LRRC37B: variants seen among roughly 807,000 people sequenced by gnomAD.
LRRC37B encodes leucine-rich repeat-containing protein 37B.
LRRC37B carries 28 observed loss-of-function variants against 98.3 expected under a neutral mutation model. The ratio of observed to expected loss-of-function variants is 0.28; its 90% confidence interval spans 0.21 to 0.39. The LOEUF is 0.39. LRRC37B is among the 10% of genes least tolerant of loss of function. The pLI is 1.00. For missense variants in LRRC37B, 938 were observed against 1,182.7 expected (o/e 0.79, Z 3.03); for synonymous variants, 364 against 442.7 (o/e 0.82, Z 2.23).
At position 32,048,544 on chromosome 17, in the gene LRRC37B, CTT is replaced by C. The variant is rs546089084; in HGVS notation, c.2465-557_2465-556del. On this transcript the variant is annotated intron_variant, in intron 9 of 11. Transcript: ENST00000327564. ...CTCAGGTCAGAGACAGATCGAAAGACTTAGCCTACACCATTTTAATTTTAGAA... is the reference window on the plus strand; with the variant it reads ...CTCAGGTCAGAGACAGATCGAAAGACAGCCTACACCATTTTAATTTTAGAA... Among the ~76,000 whole-genome samples, 305 of 151,528 alleles carry C rather than the reference CTT, an allele frequency of 2.0e-3. 2 individuals carry two copies. The highest frequency in any genetic ancestry group is 3.1e-3 in the Non-Finnish European group (209 of 67,896).
intron 2 of LRRC37B, among the ~76,000 whole-genome samples, chr17:32,027,471 G>A (rs9674873): frequency 2.0e-5 from 3 of 150,266 alleles, no homozygotes; most frequent in African/African-American, 7.4e-5. Flanking sequence ...GTGCTTGCCT[G>A]TGTGTGTGCT....
chr17:32,031,319 C>T (rs569296121), intron 4 of LRRC37B, 59 bp from the exon 8 acceptor site: 1 of 1,578,678 alleles, frequency 6.3e-7, no homozygotes, highest in South Asian at 1.2e-5. Context: ...AGACTCACAG[C>T]AAATGATAAA....
Position 32,021,400 on chromosome 17 carries a change from C to T in LRRC37B, c.335C>T (p.Ala112Val), listed in dbSNP as rs779383408. The T allele has an allele frequency of 3.1e-6, 5 of 1,613,728 alleles. No individual in the cohort carries two copies. In the South Asian group the frequency reaches 3.3e-5, roughly 11 times the overall value. Residue 112 changes from alanine (A) to valine (V), a missense_variant, in exon 1 of 12, where the codon GCC (alanine) becomes GTC (valine). Ala to Val is a moderately conservative substitution (Grantham distance 64). Around this residue, in one of 2 missense-constraint regions of LRRC37B, gnomAD observed 610 missense variants for 625.6 expected, o/e 0.98. Transcript: ENST00000327564. ...CCCTCTGCTTCTTCGCAGATGTCAG[C>T]CCTGCCTCAGGAACCAACTGAAAAT...
intron 1 of LRRC37B, among the ~76,000 whole-genome samples, chr17:32,010,904 C>G (rs1910510199): frequency 1.3e-5 from 2 of 152,138 alleles, no homozygotes. Flanking sequence ...TGTCCTTGGC[C>G]TATTTCACTT....
chr17:32,049,906 C>A (rs1911699089), intron 10 of LRRC37B, 97 bp from the exon 14 acceptor site: 4 of 671,682 alleles, frequency 6.0e-6, no homozygotes, highest in Non-Finnish European at 1.0e-5. Flanking sequence ...GTAAGCTACT[C>A]AACTGGCATA....
intron 7 of LRRC37B, among the ~76,000 whole-genome samples, chr17:32,039,121 GT>G: frequency 6.6e-6 from 1 of 151,910 alleles, no homozygotes; most frequent in East Asian, 1.9e-4. Flanking sequence ...GAGGTTTATT[GT>G]TTTTTTGTTT....
exon 1 of LRRC37B, chr17:32,022,192 A>T: frequency 1.9e-6 from 3 of 1,613,868 alleles, no homozygotes; most frequent in Non-Finnish European, 2.5e-6. Flanking sequence ...GCAGATGTGG[A>T]GGTTACCATG....
At chr17:32,053,331 A>T (rs770735131) in exon 12 of LRRC37B, 1 of 1,603,220 alleles carries the variant, frequency 6.2e-7, no homozygotes, top group African/African-American at 1.3e-5. Flanking sequence ...GAGCCTGAGC[A>T]TGAGTTAAAG....
chr17:32,022,369 A>G lies in LRRC37B; in HGVS notation c.1304A>G (p.His435Arg), dbSNP rs748911628. The G allele has an allele frequency of 5.0e-6, 8 of 1,613,768 alleles. No homozygotes were observed. The South Asian group carries it at 8.8e-5, about 18-fold the overall frequency. ...CCTTCAGACAAGGGTCAGGCTCAGC[A>G]TTCACACCTGACTGAAGCCACAGTT... Residue 435 changes from histidine to arginine, a missense_variant, in exon 1 of 12, where the codon CAT becomes CGT. By Grantham distance (29) the His-to-Arg change is conservative. This residue lies in a region of LRRC37B where 610 missense variants were observed against 625.6 expected (regional missense o/e 0.98). Transcript: ENST00000327564.
intron 11 of LRRC37B, chr17:32,051,190 T>C (rs1911745741): frequency 6.6e-6 from 1 of 152,054 alleles, no homozygotes. Context: ...CTTGAAACCT[T>C]CCCTGAATAG....
At chr17:32,037,985 GGT>G (rs1258668593) in intron 7 of LRRC37B, among the ~76,000 whole-genome samples, 1 of 152,076 alleles carries the variant, frequency 6.6e-6, no homozygotes, top group African/African-American at 2.4e-5. Context: ...CAATTAGCCG[GGT>G]GTAGTGGCGG....
intron 1 of LRRC37B, among the ~76,000 whole-genome samples, chr17:32,010,258 A>G (rs1910495796): frequency 6.6e-6 from 1 of 152,254 alleles, no homozygotes; most frequent in Non-Finnish European, 1.5e-5. Flanking sequence ...TAGCAATGAA[A>G]GCAGTCGTAG....
At chr17:32,019,891 G>T (rs1450849739), upstream of LRRC37B, among the ~76,000 whole-genome samples, 1 of 152,176 alleles carries the variant, frequency 6.6e-6, no homozygotes, top group East Asian at 1.9e-4. Context: ...CTCTCTTGTT[G>T]CCCAGGCTGG....
intron 2 of LRRC37B, among the ~76,000 whole-genome samples, 183 bp downstream of exon 5, chr17:32,024,965 A>T (rs1224359452): frequency 6.8e-6 from 1 of 147,578 alleles, no homozygotes; most frequent in African/African-American, 2.4e-5. Context: ...TCTCTAAAAT[A>T]AGAAGCAATT....
intron 1 of LRRC37B, among the ~76,000 whole-genome samples, chr17:32,010,264 C>T (rs1464208406): frequency 1.3e-5 from 2 of 152,124 alleles, no homozygotes; most frequent in Non-Finnish European, 2.9e-5. Flanking sequence ...TGAAAGCAGT[C>T]GTAGACAATA....
At chr17:32,040,517 A>C in intron 7 of LRRC37B, 1 of 713,024 alleles carries the variant, frequency 1.4e-6, no homozygotes, top group South Asian at 1.4e-5. Flanking sequence ...GAGGGGACCA[A>C]GCTGGACGAT....
chr17:32,021,264 A>C (rs764300066), exon 1 of LRRC37B: 1 of 1,613,002 alleles, frequency 6.2e-7, no homozygotes, highest in South Asian at 1.1e-5. Flanking sequence ...GCTGACCTCT[A>C]ACCCCCTGGG....
intron 2 of LRRC37B, among the ~76,000 whole-genome samples, chr17:32,026,372 A>C (rs1371163856): frequency 6.6e-6 from 1 of 152,192 alleles, no homozygotes; most frequent in African/African-American, 2.4e-5. Flanking sequence ...GAAATTAGCC[A>C]GGCATGGTGG....
chr17:32,039,462 GCA>G (rs1911344215), intron 7 of LRRC37B, among the ~76,000 whole-genome samples: 2 of 121,738 alleles, frequency 1.6e-5, no homozygotes, highest in African/African-American at 6.3e-5. Context: ...GGGTGACAGA[GCA>G]AGAACCTGCC....
Sources: gnomAD v4.1 joint callset for allele counts (sites outside exome capture counted in the v4.1 genomes callset) on GRCh38, gnomAD v4.1.1 for gene constraint, gnomAD v4.1.1 regional missense constraint, MANE v1.5 for transcripts, NCBI Gene and HGNC (gene_info 2026-07-23, HGNC 2026-07-21) for gene names.